The following COL6A3 variants were observed in gnomAD, a reference collection of about 807,000 sequenced individuals.
COL6A3 encodes the protein collagen type VI alpha 3 chain.
A neutral mutation model predicts 274.1 loss-of-function variants in COL6A3; 137 were observed. The observed-to-expected ratio is 0.50, with a 90% CI of 0.44 to 0.58. The LOEUF is 0.58. COL6A3 is among the 20% of genes least tolerant of loss of function. The pLI is 0.00. For synonymous variants in COL6A3, 1,650 were observed against 1,650.6 expected (o/e 1.00, Z 0.01); for missense variants, 3,950 against 4,124.9 (o/e 0.96, Z 1.16).
At position 237,371,922 on chromosome 2, in the gene COL6A3, G is replaced by A; in HGVS notation, c.4095C>T (p.Ala1365=). 1 of 1,613,944 alleles carries A rather than the reference G, an allele frequency of 6.2e-7. No individual in the cohort carries two copies. Among genetic ancestry groups the A allele is most frequent in the South Asian group, 1.1e-5 (1 of 91,054 alleles). ...CTGCGTTCCTGGCGATCGTGAAAGGGGCCACGCCAAACTGCTTGAGCTCCA... is the reference window on the plus strand; with the variant it reads ...CTGCGTTCCTGGCGATCGTGAAAGGAGCCACGCCAAACTGCTTGAGCTCCA... ...PAVELKQFGV[A]PFTIARNADQ... Residue 1365 remains alanine, a synonymous_variant, in exon 9 of 44, where the codon GCC becomes GCT. Transcript: ENST00000295550. The surrounding 1 kb of genome is among the most constrained non-coding windows in gnomAD (Gnocchi z 4.3).
Position 237,334,642 on chromosome 2 carries a change from G to A in COL6A3, c.9213C>T (p.His3071=), listed in dbSNP as rs2270671. The A allele has an allele frequency of 0.1, 166,173 of 1,613,242 alleles. 8,824 individuals carry two copies. Among genetic ancestry groups the A allele is most frequent in the Middle Eastern group, 0.15 (806 of 5,530 alleles). The part of the protein sequence containing the change: ...YLRSQVRATY[H]GSFSTKKSQP... ...TGTACTTACTTGTACTGAAACTTCC[G>A]TGGTAGGTGGCTCTGACCTGAGACC... Residue 3071 remains histidine, a synonymous_variant, in exon 41 of 44, where the codon CAC becomes CAT. Transcript: ENST00000295550.
Position 237,374,899 on chromosome 2 carries a change from C to T in COL6A3, c.3192G>A (p.Arg1064=), listed in dbSNP as rs1459886818. 1 of 1,613,784 alleles carries T rather than the reference C, an allele frequency of 6.2e-7. No individual in the cohort carries two copies. Among genetic ancestry groups the T allele is most frequent in the South Asian group, 1.1e-5 (1 of 91,068 alleles). ...TGTACTGCACCACGGCCACGCGGAC[C>T]CGGTCCTGGCCCACATCCAGGCTTT... ...VVESLDVGQD[R]VRVAVVQYSD... Residue 1064 remains arginine, a synonymous_variant, in exon 8 of 44, where the codon CGG becomes CGA. Coordinates refer to ENST00000295550, the MANE Select transcript of COL6A3 (RefSeq NM_004369.4). This position sits in a 1 kb window ranked among gnomAD's most constrained non-coding sequence, Gnocchi z 4.8.
chr2:237,357,165 A>G, intron 23 of COL6A3, 173 bp downstream of exon 23: 1 of 745,230 alleles, frequency 1.3e-6, no homozygotes, highest in Non-Finnish European at 2.5e-6. Context: ...GAAGAGATGA[A>G]GCACCAGGGA....
intron 7 of COL6A3, among the ~76,000 whole-genome samples, chr2:237,376,434 A>G (rs1198965357): frequency 6.6e-6 from 1 of 152,266 alleles, no homozygotes; most frequent in Non-Finnish European, 1.5e-5. Flanking sequence ...CAATGTAACC[A>G]TATGATATGG....
At position 237,377,249 on chromosome 2, in the gene COL6A3, C is replaced by A; in HGVS notation, c.2593G>T (p.Glu865Ter). 6.2e-7 allele frequency: 1 copy of A among 1,611,228 alleles called. No homozygotes were observed. The highest frequency in any genetic ancestry group is 8.5e-7 in the Non-Finnish European group (1 of 1,180,020). Residue 865 changes from glutamate to a stop codon, truncating the protein, a stop_gained, in exon 7 of 44, where the codon GAG (glutamate) becomes TAG (stop). Coordinates refer to ENST00000295550, the MANE Select transcript of COL6A3 (RefSeq NM_004369.4). LOFTEE classifies it high-confidence loss of function. Reference sequence around the variant, plus strand: ...GTCCCCTCTGGCTTCACATTGAGCTCATCGATAATCTTGTAGAGAAAGTCA... The same window carrying A: ...GTCCCCTCTGGCTTCACATTGAGCTAATCGATAATCTTGTAGAGAAAGTCA... ...VRDFLYKIID[E>*]LNVKPEGTRI...
intron 23 of COL6A3, 72 bp from the exon 24 acceptor site, chr2:237,355,006 C>T: frequency 7.3e-7 from 1 of 1,373,530 alleles, no homozygotes; most frequent in Non-Finnish European, 1.0e-6. Flanking sequence ...AGAGCTCTTT[C>T]AGACTTCACC....
At chr2:237,333,869 G>A (rs1282750375) in intron 41 of COL6A3, among the ~76,000 whole-genome samples, 1 of 152,122 alleles carries the variant, frequency 6.6e-6, no homozygotes, top group Non-Finnish European at 1.5e-5. Context: ...TATCTCTATG[G>A]GCCTAATCCA....
chr2:237,332,445 A>C (rs951767583), intron 42 of COL6A3, among the ~76,000 whole-genome samples: 1 of 151,964 alleles, frequency 6.6e-6, no homozygotes, highest in Non-Finnish European at 1.5e-5. Context: ...CCTGACCCAC[A>C]CCTTTGGGGA....
chr2:237,364,328 T>C lies in COL6A3; in HGVS notation c.5917+22A>G, dbSNP rs780525011. On this transcript the variant is annotated intron_variant, in intron 13 of 43. Coordinates refer to ENST00000295550, the MANE Select transcript of COL6A3 (RefSeq NM_004369.4). The surrounding 1 kb of genome is among the most constrained non-coding windows in gnomAD (Gnocchi z 4.6). ...GCCTCACCAGGGTTTACTTCTCATA[T>C]TTAGAAAGCCTTGGCACCTACCTTC... 3.7e-6 allele frequency: 6 copies of C among 1,601,802 alleles called. No homozygotes were observed. The highest frequency in any genetic ancestry group is 1.3e-5 in the African/African-American group (1 of 74,684).
At chr2:237,358,900 T>C (rs2077375214) in intron 20 of COL6A3, 135 bp downstream of exon 20, 1 of 904,290 alleles carries the variant, frequency 1.1e-6, no homozygotes, top group Non-Finnish European at 1.9e-6. Flanking sequence ...ATGTAATGGG[T>C]GCACTCACAG....
Position 237,340,653 on chromosome 2 carries a change from C to T in COL6A3, c.8263G>A (p.Ala2755Thr), listed in dbSNP as rs775790310. ...TTGGCCTGCAGGATGACTCTCTGGG[C>T]CTCCTCCAGCTGCTGCTCCGGCACC... The part of the protein sequence containing the change: ...GEVPEQQLEE[A>T]QRVILQAKCK... Residue 2755 changes from alanine (A) to threonine (T), a missense_variant, in exon 38 of 44, where the codon GCC (alanine) becomes ACC (threonine). Transcript: ENST00000295550. 6 of 1,614,096 alleles carry T rather than the reference C, an allele frequency of 3.7e-6. No homozygotes were observed. Among genetic ancestry groups the T allele is most frequent in the Non-Finnish European group, 5.1e-6 (6 of 1,180,040 alleles).
chr2:237,383,321 C>A (rs780533448), intron 4 of COL6A3, among the ~76,000 whole-genome samples: 19 of 152,202 alleles, frequency 1.2e-4, no homozygotes, highest in Non-Finnish European at 2.5e-4. Flanking sequence ...ACTGGTGTAA[C>A]AATGTGTGCA....
chr2:237,358,580 C>A lies in COL6A3; in HGVS notation c.6412G>T (p.Asp2138Tyr). 1 of 1,613,714 alleles carries A rather than the reference C, an allele frequency of 6.2e-7. No homozygotes were observed. Among genetic ancestry groups the A allele is most frequent in the Non-Finnish European group, 8.5e-7 (1 of 1,179,692 alleles). ...CCTTTCTCTCCTCGAGGTCCTTTAT[C>A]ACCCTAAAGAAAAAGCACAAGTGGA... ...GEKGNPGRRG[D>Y]KGPRGEKGER... is the part of the protein sequence containing the mutation. The change falls in exon 21 of 44, where the codon GAT becomes TAT. Residue 2138 changes from aspartate (D) to tyrosine (Y), a missense_variant. By Grantham distance (160) the Asp-to-Tyr change is radical (BLOSUM62 -3). Around this residue, in one of 5 missense-constraint regions of COL6A3, gnomAD observed 1,284 missense variants for 1,349.7 expected, o/e 0.95. Coordinates refer to ENST00000295550, the MANE Select transcript of COL6A3 (RefSeq NM_004369.4).
At position 237,374,488 on chromosome 2, in the gene COL6A3, G is replaced by T. The variant is rs749145600; in HGVS notation, c.3603C>A (p.Ile1201=). Residue 1201 remains isoleucine, a synonymous_variant, in exon 8 of 44, where the codon ATC becomes ATA. Coordinates refer to ENST00000295550, the MANE Select transcript of COL6A3 (RefSeq NM_004369.4). The surrounding 1 kb of genome is among the most constrained non-coding windows in gnomAD (Gnocchi z 4.8). The part of the protein sequence containing the change: ...FRQLGTVQQV[I]SERVTQLTRE... Reference sequence around the variant, plus strand: ...GGGTGAGCTGGGTCACCCTCTCAGAGATGACCTGTTGGACGGTCCCCAGCT... The same window carrying T: ...GGGTGAGCTGGGTCACCCTCTCAGATATGACCTGTTGGACGGTCCCCAGCT... The T allele has an allele frequency of 1.9e-6, 3 of 1,614,144 alleles. No homozygotes were observed. In the South Asian group the frequency reaches 3.3e-5, roughly 18 times the overall value.
intron 42 of COL6A3, among the ~76,000 whole-genome samples, chr2:237,332,111 A>ATGTG (rs1247992131): frequency 4.0e-5 from 4 of 100,652 alleles, no homozygotes; most frequent in African/African-American, 1.4e-4. Context: ...ATATATATAT[A>ATGTG]TATATATGAA....
At chr2:237,339,222 C>A in intron 38 of COL6A3, 105 bp from the exon 39 acceptor site, 1 of 835,310 alleles carries the variant, frequency 1.2e-6, no homozygotes, top group African/African-American at 1.7e-5. Flanking sequence ...TTTATTTAGC[C>A]CATAATTATT....
chr2:237,344,760 G>A lies in COL6A3; in HGVS notation c.7258C>T (p.Arg2420Trp), dbSNP rs150165484. The A allele has an allele frequency of 9.2e-4, 1,480 of 1,601,450 alleles. No individual in the cohort carries two copies. Among genetic ancestry groups the A allele is most frequent in the Non-Finnish European group, 1.0e-3 (1,224 of 1,174,294 alleles). ...SEGVNQDTFG[R>W]MRDVVLSIVN... ...ATACTCAAGACCACATCTCGCATCCGGCCGAAAGTGTCTTGGTTGACTCCC... is the reference window on the plus strand; with the variant it reads ...ATACTCAAGACCACATCTCGCATCCAGCCGAAAGTGTCTTGGTTGACTCCC... The change falls in exon 36 of 44, where the codon CGG becomes TGG. Residue 2420 changes from arginine to tryptophan, a missense_variant. This residue lies in a region of COL6A3 where 1,284 missense variants were observed against 1,349.7 expected (regional missense o/e 0.95). Coordinates refer to ENST00000295550, the MANE Select transcript of COL6A3 (RefSeq NM_004369.4). This position sits in a 1 kb window ranked among gnomAD's most constrained non-coding sequence, Gnocchi z 4.8.
At position 237,361,341 on chromosome 2, in the gene COL6A3, A is replaced by C. The variant is rs1351858261; in HGVS notation, c.6157-167T>G. On this transcript the variant is annotated intron_variant, in intron 15 of 43. Coordinates refer to ENST00000295550, the MANE Select transcript of COL6A3 (RefSeq NM_004369.4). This position sits in a 1 kb window ranked among gnomAD's most constrained non-coding sequence, Gnocchi z 5.1. Reference sequence around the variant, plus strand: ...ACACCATGTCACGATTCTCTCTATCAGGATCTCTAAGGCTCCTGCTCTGCC... The same window carrying C: ...ACACCATGTCACGATTCTCTCTATCCGGATCTCTAAGGCTCCTGCTCTGCC... 6.6e-6 allele frequency among the ~76,000 whole-genome samples: 1 copy of C among 152,174 alleles called. No homozygotes were observed. Among genetic ancestry groups the C allele is most frequent in the Non-Finnish European group, 1.5e-5 (1 of 68,032 alleles).
Position 237,376,500 on chromosome 2 carries a change from A to G in COL6A3, c.3070+272T>C, listed in dbSNP as rs74935066. Among the ~76,000 whole-genome samples the G allele has an allele frequency of 8.3e-3, 1,261 of 152,322 alleles. 18 individuals carry two copies. Among genetic ancestry groups the G allele is most frequent in the African/African-American group, 0.029 (1,195 of 41,568 alleles). ...TTAAAAAAGGATTTTAACCACTGAT[A>G]TCTAAATCTTTATAACATGTCTTAC... On this transcript the variant is annotated intron_variant, in intron 7 of 43. Transcript: ENST00000295550.
Sources: allele counts gnomAD v4.1 joint callset (sites outside exome capture counted in the v4.1 genomes callset), GRCh38; gene constraint gnomAD v4.1.1; regional missense constraint gnomAD v4.1.1; non-coding constraint Gnocchi (gnomAD v3.1); transcripts MANE v1.5; gene names NCBI Gene and HGNC (gene_info 2026-07-23, HGNC 2026-07-21).